CCDC60: variants seen among roughly 807,000 people sequenced by gnomAD.
The protein encoded by CCDC60 is coiled-coil domain containing 60.
Under a neutral mutation model 63.5 loss-of-function variants are expected in CCDC60, and 54 were observed. The ratio of observed to expected loss-of-function variants is 0.85; its 90% CI spans 0.68 to 1.07. The LOEUF is 1.07. CCDC60 is among the 50% of genes least tolerant of loss of function. The pLI is 0.00. For missense variants in CCDC60, 651 were observed against 684.3 expected (o/e 0.95, Z 0.54); for synonymous variants, 206 against 238.8 (o/e 0.86, Z 1.27).
At chr12:119,423,912 G>A (rs898532102) in intron 1 of CCDC60, among the ~76,000 whole-genome samples, 1 of 152,068 alleles carries the variant, frequency 6.6e-6, no homozygotes, top group Non-Finnish European at 1.5e-5. Flanking sequence ...ATTTAAATTG[G>A]CATTAAACAT....
intron 1 of CCDC60, among the ~76,000 whole-genome samples, chr12:119,344,260 A>G (rs951825685): frequency 2.6e-5 from 4 of 152,162 alleles, no homozygotes; most frequent in Admixed American, 2.6e-4. Context: ...CTCAGGGGGC[A>G]AGACCATCCA....
chr12:119,516,795 C>T lies in CCDC60; in HGVS notation c.968+88C>T, dbSNP rs1000603529. 14 of 835,828 alleles carry T rather than the reference C, an allele frequency of 1.7e-5. No individual in the cohort carries two copies. In the African/African-American group the frequency reaches 2.4e-4, roughly 14 times the overall value. 51.8% of individuals were successfully genotyped at this position (835,828 alleles called of 1,614,324 possible). A position where few individuals can be genotyped will look rare whatever the true frequency, so the allele number is the denominator to read the frequency against. ...GTAGTTGCCAACTGTTGAGCATTTT[C>T]TCTGTGACAGGCACTGAGCTGTGTT... On this transcript the variant is annotated intron_variant, in intron 8 of 13. Transcript: ENST00000327554.
intron 4 of CCDC60, among the ~76,000 whole-genome samples, chr12:119,482,113 CAT>C (rs1406494033): frequency 1.4e-5 from 2 of 143,112 alleles, no homozygotes; most frequent in African/African-American, 5.2e-5. Flanking sequence ...TATATACACA[CAT>C]ATATATACAT....
Position 119,343,682 on chromosome 12 carries a change from A to G in CCDC60, c.90+8416A>G, listed in dbSNP as rs190814670. 1.0e-4 allele frequency among the ~76,000 whole-genome samples: 14 copies of G among 134,866 alleles called. 1 individual carries two copies. Among genetic ancestry groups the G allele is most frequent in the South Asian group, 5.2e-4 (2 of 3,830 alleles). 88.5% of individuals were successfully genotyped at this position (134,866 alleles called of 152,430 possible). On this transcript the variant is annotated intron_variant, in intron 1 of 13. Transcript: ENST00000327554. The stretch of plus-strand genomic sequence containing the variant: ...AAACTATATATATATATATATATAT[A>G]TATGTATATATAAGCTTGAGGTAGA...
At chr12:119,500,626 G>A (rs1951830419) in intron 6 of CCDC60, among the ~76,000 whole-genome samples, 1 of 149,026 alleles carries the variant, frequency 6.7e-6, no homozygotes, top group African/African-American at 2.5e-5. Context: ...GGCCAAGGCA[G>A]GAGGATCGCT....
chr12:119,523,102 C>T, intron 10 of CCDC60, 101 bp downstream of exon 10: 2 of 1,049,942 alleles, frequency 1.9e-6, no homozygotes, highest in Non-Finnish European at 3.0e-6. Context: ...GCAGACCAGA[C>T]TCCCTAAAGC....
intron 8 of CCDC60, 140 bp from the exon 9 acceptor site, chr12:119,519,981 C>T: frequency 1.4e-6 from 1 of 726,748 alleles, no homozygotes; most frequent in Non-Finnish European, 2.3e-6. Context: ...TCATAGCAAA[C>T]TCTCCAGGTG....
chr12:119,423,336 C>G (rs1261615212), intron 1 of CCDC60, among the ~76,000 whole-genome samples: 1 of 152,170 alleles, frequency 6.6e-6, no homozygotes, highest in South Asian at 2.1e-4. Flanking sequence ...GCTTTATAGT[C>G]CCAAAGTGGC....
chr12:119,499,931 C>G lies in CCDC60; in HGVS notation c.558-147C>G, dbSNP rs190621921. ...AGCCAGCTATGGAGAACTATCCCCC[C>G]CATTTCTTCACAAGTAGAGGAGTGG... is the stretch of plus-strand genomic sequence containing the variant. On this transcript the variant is annotated intron_variant, in intron 5 of 13. Transcript: ENST00000327554. The G allele has an allele frequency of 3.4e-4, 234 of 685,654 alleles. 2 individuals are homozygous for G. The East Asian group carries it at 5.0e-3, about 15-fold the overall frequency. The allele number at this position is 685,654 out of a possible 1,614,324, so 42.5% of individuals were successfully genotyped here. A position where few individuals can be genotyped will look rare whatever the true frequency, so the allele number is the denominator to read the frequency against.
intron 2 of CCDC60, among the ~76,000 whole-genome samples, chr12:119,449,835 G>A (rs1471673828): frequency 6.6e-6 from 1 of 152,148 alleles, no homozygotes; most frequent in Non-Finnish European, 1.5e-5. Flanking sequence ...GCGGGGGCGG[G>A]CAGGTAAGGC....
intron 8 of CCDC60, 46 bp downstream of exon 8, chr12:119,516,753 C>A: frequency 7.5e-7 from 1 of 1,326,282 alleles, no homozygotes; most frequent in Non-Finnish European, 1.1e-6. Context: ...AGAATAATAG[C>A]AATCACATTA....
At chr12:119,421,043 C>A (rs1956803520) in intron 1 of CCDC60, among the ~76,000 whole-genome samples, 1 of 151,864 alleles carries the variant, frequency 6.6e-6, no homozygotes, top group South Asian at 2.1e-4. Flanking sequence ...GCCTCCCTTC[C>A]CCGCTCACCC....
intron 1 of CCDC60, among the ~76,000 whole-genome samples, chr12:119,372,875 T>C (rs1955911519): frequency 6.6e-6 from 1 of 152,204 alleles, no homozygotes; most frequent in African/African-American, 2.4e-5. Flanking sequence ...CAATAGTGCA[T>C]TAGGAAAACT....
At chr12:119,435,777 G>A (rs2136246262) in intron 2 of CCDC60, among the ~76,000 whole-genome samples, 1 of 152,306 alleles carries the variant, frequency 6.6e-6, no homozygotes, top group Non-Finnish European at 1.5e-5. Context: ...AAAACAATGA[G>A]CATTTATTAG....
chr12:119,433,524 G>A lies in CCDC60; in HGVS notation c.170+4762G>A, dbSNP rs1232487247. On this transcript the variant is annotated intron_variant, in intron 2 of 13. Transcript: ENST00000327554. ...CCACCAACATTAAGGAAGGAATCAG[G>A]ATTCCCCTTCAGAAGGAAACACCAT... 5 of 702,324 alleles carry A rather than the reference G, an allele frequency of 7.1e-6. No individual in the cohort carries two copies. In the East Asian group the frequency reaches 1.1e-4, roughly 15 times the overall value. The allele number at this position is 702,324 out of a possible 1,614,324, so 43.5% of individuals were successfully genotyped here.
At chr12:119,515,880 G>C (rs895966279) in intron 7 of CCDC60, among the ~76,000 whole-genome samples, 3 of 152,174 alleles carry the variant, frequency 2.0e-5, no homozygotes, top group Non-Finnish European at 2.9e-5. Context: ...GCTGAATTCA[G>C]CCTGTGGATT....
chr12:119,520,733 G>C (rs997709245), intron 9 of CCDC60, among the ~76,000 whole-genome samples: 3 of 151,864 alleles, frequency 2.0e-5, no homozygotes, highest in Non-Finnish European at 4.4e-5. Context: ...GTAGAGACAG[G>C]GTTTCACCAC....
At chr12:119,353,966 C>T (rs1955689477) in intron 1 of CCDC60, among the ~76,000 whole-genome samples, 1 of 152,018 alleles carries the variant, frequency 6.6e-6, no homozygotes, top group South Asian at 2.1e-4. Context: ...GCTATCTGCT[C>T]TCTCTGTCCC....
chr12:119,375,929 A>G (rs1955946058), intron 1 of CCDC60, among the ~76,000 whole-genome samples: 1 of 152,158 alleles, frequency 6.6e-6, no homozygotes, highest in Non-Finnish European at 1.5e-5. Flanking sequence ...ACGTGGAGCC[A>G]CCTAATCAAC....
Sources: allele counts gnomAD v4.1 joint callset (sites outside exome capture counted in the v4.1 genomes callset), GRCh38; gene constraint gnomAD v4.1.1; transcripts MANE v1.5; gene names NCBI Gene and HGNC (gene_info 2026-07-23, HGNC 2026-07-21).